SULT2B1: variants seen among roughly 807,000 people sequenced by gnomAD.
The protein encoded by SULT2B1 is sulfotransferase 2B1.
A neutral mutation model predicts 33.2 loss-of-function variants in SULT2B1; 16 were observed. The ratio of observed to expected loss-of-function variants is 0.48; its 90% CI spans 0.33 to 0.73. The LOEUF (loss-of-function observed/expected upper bound fraction) is 0.73, where lower values mean the gene tolerates loss of function less well. Ranked by LOEUF, SULT2B1 falls within the 30% of genes least tolerant of loss-of-function variation. The pLI, the probability that SULT2B1 is intolerant of heterozygous loss-of-function variation, is 0.02. For missense variants in SULT2B1, 500 were observed against 506.0 expected (o/e 0.99, Z 0.11); for synonymous variants, 186 against 200.5 (o/e 0.93, Z 0.61).
intron 1 of SULT2B1, among the ~76,000 whole-genome samples, chr19:48,568,762 C>T (rs534538725): frequency 2.7e-4 from 41 of 152,228 alleles, no homozygotes; most frequent in Admixed American, 7.9e-4. Flanking sequence ...AGTGAGTCAG[C>T]GGCACCGCCA....
At chr19:48,555,832 C>T (rs190471464) in intron 1 of SULT2B1, among the ~76,000 whole-genome samples, 64 of 151,948 alleles carry the variant, frequency 4.2e-4, no homozygotes, top group African/African-American at 1.5e-3. Context: ...CTCCGCCTCC[C>T]AGGTTCAAGC....
rs1052306422 is a variant in SULT2B1, at chr19:48,584,681, G to T, written c.215-2548G>T. Among the ~76,000 whole-genome samples, 8 of 152,318 alleles carry T rather than the reference G, an allele frequency of 5.3e-5. No homozygotes were observed. In the East Asian group the frequency reaches 1.3e-3, roughly 26 times the overall value. On this transcript the variant is annotated intron_variant, in intron 2 of 6. Coordinates refer to ENST00000201586, the MANE Select transcript of SULT2B1 (RefSeq NM_177973.2). ...GCACTTTGGGAGGCCAAGGCAGGAG[G>T]ATCGCTAGAGGCCAGGAGCTCCAGA...
chr19:48,560,130 GGC>G (rs1973157585), intron 1 of SULT2B1, among the ~76,000 whole-genome samples: 1 of 152,088 alleles, frequency 6.6e-6, no homozygotes, highest in Admixed American at 6.6e-5. Context: ...GCCTGACCTG[GGC>G]TCGCAGCTGA....
chr19:48,556,163 C>T (rs963189400), intron 1 of SULT2B1, among the ~76,000 whole-genome samples: 3 of 152,146 alleles, frequency 2.0e-5, no homozygotes, highest in Admixed American at 6.6e-5. Context: ...ACTTCTCAGG[C>T]GTTAAGATTC....
At chr19:48,567,378 A>G (rs1973259550) in intron 1 of SULT2B1, among the ~76,000 whole-genome samples, 1 of 151,994 alleles carries the variant, frequency 6.6e-6, no homozygotes, top group African/African-American at 2.4e-5. Flanking sequence ...CCTGACCAAC[A>G]TGGAGAAATC....
At chr19:48,596,603 G>A in intron 5 of SULT2B1, 136 bp from the exon 6 acceptor site, 1 of 923,704 alleles carries the variant, frequency 1.1e-6, no homozygotes, top group Non-Finnish European at 1.6e-6. Context: ...TCAGTTTGGA[G>A]TTGGGGAAAC....
chr19:48,565,646 C>T (rs1439542810), intron 1 of SULT2B1, among the ~76,000 whole-genome samples: 1 of 152,088 alleles, frequency 6.6e-6, no homozygotes, highest in Non-Finnish European at 1.5e-5. Context: ...TTCCAAAGTG[C>T]TGAGATTACA....
chr19:48,553,450 G>A (rs1249435416), intron 1 of SULT2B1, among the ~76,000 whole-genome samples: 1 of 152,192 alleles, frequency 6.6e-6, no homozygotes, highest in African/African-American at 2.4e-5. Context: ...TGGGATTACA[G>A]GAGCCCGCCA....
intron 1 of SULT2B1, among the ~76,000 whole-genome samples, chr19:48,554,355 C>T (rs909156399): frequency 6.6e-6 from 1 of 150,740 alleles, no homozygotes; most frequent in Non-Finnish European, 1.5e-5. Context: ...ATGTCCCCTC[C>T]CCATCACTGG....
chr19:48,576,032 A>G lies in SULT2B1; in HGVS notation c.163A>G (p.Thr55Ala). 1 of 1,613,670 alleles carries G rather than the reference A, an allele frequency of 6.2e-7. No homozygotes were observed. The highest frequency in any genetic ancestry group is 8.5e-7 in the Non-Finnish European group (1 of 1,179,884). Reference sequence around the variant, plus strand: ...CGAGAGCATCAGCTTGGCGGAGAACACCCAAGATGTGCGGGACGACGACAT... The same window carrying G: ...CGAGAGCATCAGCTTGGCGGAGAACGCCCAAGATGTGCGGGACGACGACAT... Reference protein sequence around the residue: ...SLESISLAENTQDVRDDDIFI... With the variant: ...SLESISLAENAQDVRDDDIFI... Residue 55 changes from threonine (T) to alanine (A), a missense_variant, in exon 2 of 7, where the codon ACC (threonine) becomes GCC (alanine). Thr to Ala is a moderately conservative substitution (Grantham distance 58). Coordinates refer to ENST00000201586, the MANE Select transcript of SULT2B1 (RefSeq NM_177973.2).
intron 1 of SULT2B1, among the ~76,000 whole-genome samples, chr19:48,569,537 T>C (rs67039948): frequency 0.65 from 98,344 of 150,690 alleles, 32,503 homozygotes; most frequent in African/African-American, 0.76. Context: ...TTTTTCTTAT[T>C]TTTTAAAGAG....
chr19:48,588,282 G>A (rs1973593423), intron 3 of SULT2B1, among the ~76,000 whole-genome samples: 1 of 151,558 alleles, frequency 6.6e-6, no homozygotes, highest in South Asian at 2.1e-4. Flanking sequence ...GGAAGCCAAG[G>A]TGGGCAGATC....
intron 1 of SULT2B1, among the ~76,000 whole-genome samples, chr19:48,565,392 G>A (rs966520050): frequency 2.6e-5 from 4 of 151,692 alleles, no homozygotes; most frequent in African/African-American, 9.7e-5. Flanking sequence ...GAGATGGAGA[G>A]AGAGAGAGAT....
chr19:48,577,754 C>T (rs1390479353), intron 2 of SULT2B1, among the ~76,000 whole-genome samples: 1 of 152,116 alleles, frequency 6.6e-6, no homozygotes, highest in African/African-American at 2.4e-5. Context: ...ATTTATTAAA[C>T]ACATATTATG....
intron 1 of SULT2B1, among the ~76,000 whole-genome samples, chr19:48,565,841 T>A (rs1973236842): frequency 6.6e-6 from 1 of 151,688 alleles, no homozygotes; most frequent in Admixed American, 6.6e-5. Flanking sequence ...AGCCTCGACC[T>A]CCCCAGCTCA....
chr19:48,576,952 T>A (rs1973420458), intron 2 of SULT2B1, among the ~76,000 whole-genome samples: 1 of 151,672 alleles, frequency 6.6e-6, no homozygotes, highest in Non-Finnish European at 1.5e-5. Context: ...AATTGTATAC[T>A]TTAAAGTGGT....
At chr19:48,553,651 C>T (rs549837915) in intron 1 of SULT2B1, among the ~76,000 whole-genome samples, 47 of 152,250 alleles carry the variant, frequency 3.1e-4, no homozygotes, top group Admixed American at 5.2e-4. Flanking sequence ...CTCCCCTCCC[C>T]TCCCTCAGCC....
chr19:48,565,402 T>G (rs1973231919), intron 1 of SULT2B1, among the ~76,000 whole-genome samples: 1 of 151,082 alleles, frequency 6.6e-6, no homozygotes, highest in African/African-American at 2.4e-5. Flanking sequence ...GAGAGAGAGA[T>G]GGAATCTCCC....
intron 1 of SULT2B1, among the ~76,000 whole-genome samples, chr19:48,558,679 C>CTTT (rs869189397): frequency 0.067 from 7,137 of 105,916 alleles, 818 homozygotes; most frequent in African/African-American, 0.22. Flanking sequence ...CTTTTCTTTT[C>CTTT]TTTTTTTTTT....
Sources: gnomAD v4.1 joint callset for allele counts (sites outside exome capture counted in the v4.1 genomes callset) on GRCh38, gnomAD v4.1.1 for gene constraint, MANE v1.5 for transcripts, NCBI Gene and HGNC (gene_info 2026-07-23, HGNC 2026-07-21) for gene names.